Variants in CELF2 observed in about 807,000 individuals in gnomAD.
The protein encoded by CELF2 is CUG triplet repeat RNA-binding protein 2.
A neutral mutation model predicts 62.6 loss-of-function variants in CELF2; 8 were observed. The observed-to-expected ratio is 0.13, with a 90% CI of 0.07 to 0.23. The LOEUF (loss-of-function observed/expected upper bound fraction) is 0.23, where lower values mean the gene tolerates loss of function less well. Among genes scored for constraint, CELF2 ranks in the 10% least tolerant of loss-of-function variants. CELF2 has a pLI of 1.00. For synonymous variants in CELF2, 258 were observed against 250.0 expected, an observed-to-expected ratio of 1.03 and a Z score of -0.30; for missense variants, 333 against 671.0, an observed-to-expected ratio of 0.50 and a Z score of 5.56.
At chr10:11,192,224 C>T (rs561781061) in intron 2 of CELF2, among the ~76,000 whole-genome samples, 1 of 152,182 alleles carries the variant, frequency 6.6e-6, no homozygotes, top group East Asian at 1.9e-4. Flanking sequence ...CTTCAAGAGG[C>T]GCAGAGGAAA....
At chr10:10,970,593 T>C (rs1484406286) in intron 2 of CELF2, 1 of 152,220 alleles carries the variant, frequency 6.6e-6, no homozygotes. Context: ...TTAAAATAAT[T>C]GTTTCTAAAA....
At chr10:10,619,048 A>G in the CELF2 span, among the ~76,000 whole-genome samples, 1 of 151,702 alleles carries the variant, frequency 6.6e-6, no homozygotes, top group East Asian at 1.9e-4. Context: ...TTTACTGCAC[A>G]CGTGGCAACA....
chr10:10,964,181 G>A (rs1230458543), intron 2 of CELF2, among the ~76,000 whole-genome samples: 2 of 152,094 alleles, frequency 1.3e-5, no homozygotes, highest in African/African-American at 2.4e-5. Flanking sequence ...GAAAGCCATG[G>A]GATTCCTTTA....
rs1195079550 is a variant in CELF2, at chr10:11,075,244, G to A, written c.74+57081G>A. 2.0e-5 allele frequency: 3 copies of A among 152,202 alleles called. No individual in the cohort carries two copies. In the East Asian group the frequency reaches 5.8e-4, roughly 29 times the overall value. 9.4% of individuals were successfully genotyped at this position (152,202 alleles called of 1,614,324 possible). The stretch of plus-strand genomic sequence containing the variant: ...CTTCATTTGTAAGGGATGTTCAGGA[G>A]TCATCAGAAGGCATGTTGATACTTC... On this transcript the variant is annotated intron_variant, in intron 1 of 12. Transcript: ENST00000633077. The surrounding 1 kb of genome is among the most constrained non-coding windows in gnomAD (Gnocchi z 5.4).
At position 11,255,373 on chromosome 10, in the gene CELF2, G is replaced by A. The variant is rs1404929054; in HGVS notation, c.404-2365G>A. 6.6e-6 allele frequency among the ~76,000 whole-genome samples: 1 copy of A among 152,086 alleles called. No individual in the cohort carries two copies. Among genetic ancestry groups the A allele is most frequent in the Non-Finnish European group, 1.5e-5 (1 of 68,016 alleles). On this transcript the variant is annotated intron_variant, in intron 4 of 12. Coordinates refer to ENST00000633077, the MANE Select transcript of CELF2 (RefSeq NM_001326342.2). The surrounding 1 kb of genome is among the most constrained non-coding windows in gnomAD (Gnocchi z 5.5). ...CTCTGCACATGAAGCGGAAGATGGG[G>A]CGTGCCATCCTGAGGTCGGGCTGCT...
intron 1 of CELF2, among the ~76,000 whole-genome samples, chr10:11,151,630 A>T (rs1350359224): frequency 6.6e-6 from 1 of 152,000 alleles, no homozygotes; most frequent in Non-Finnish European, 1.5e-5. Context: ...CCAGAGAGCC[A>T]CCTGGCCACA....
chr10:10,615,189 G>A, the CELF2 span, among the ~76,000 whole-genome samples: 1 of 152,072 alleles, frequency 6.6e-6, no homozygotes, highest in Non-Finnish European at 1.5e-5. Context: ...AACTAGGGGG[G>A]AAGTAAGACA....
At chr10:10,470,559 T>C in the CELF2 span, among the ~76,000 whole-genome samples, 3 of 151,956 alleles carry the variant, frequency 2.0e-5, no homozygotes, top group African/African-American at 4.8e-5. Context: ...ACATATCCCA[T>C]GACCTGTAGA....
chr10:10,830,810 T>C (rs2057787724), intron 1 of CELF2, among the ~76,000 whole-genome samples: 1 of 152,256 alleles, frequency 6.6e-6, no homozygotes, highest in African/African-American at 2.4e-5. Flanking sequence ...GTGTTAGTCA[T>C]TTTTGGTTGC....
rs1330154811 is a variant in CELF2 at position 10,972,113 on chromosome 10, T to C, written c.89+52114T>C. ...ATCAATGTCTTGGCAATTGTTAAAA[T>C]TTAGCCTTTATGGAGTCCTCATATA... On this transcript the variant is annotated intron_variant, in intron 2 of 13. Transcript: ENST00000636488. The surrounding 1 kb of genome is among the most constrained non-coding windows in gnomAD (Gnocchi z 4.4). 6.6e-6 allele frequency among the ~76,000 whole-genome samples: 1 copy of C among 152,166 alleles called. No individual in the cohort carries two copies. Among genetic ancestry groups the C allele is most frequent in the Non-Finnish European group, 1.5e-5 (1 of 68,040 alleles).
chr10:11,150,529 C>T (rs992166211), intron 1 of CELF2, among the ~76,000 whole-genome samples: 3 of 152,204 alleles, frequency 2.0e-5, no homozygotes, highest in African/African-American at 7.2e-5. Flanking sequence ...CTAAAAGATA[C>T]TTTTGACACC....
chr10:10,501,453 G>GT, the CELF2 span, among the ~76,000 whole-genome samples: 15 of 151,802 alleles, frequency 9.9e-5, 1 homozygote, highest in Middle Eastern at 0.017. Context: ...ATTAGATTTT[G>GT]TTTTTTTGTA....
At chr10:10,868,765 A>G (rs913754799) in intron 1 of CELF2, among the ~76,000 whole-genome samples, 2 of 152,226 alleles carry the variant, frequency 1.3e-5, no homozygotes, top group Non-Finnish European at 2.9e-5. Context: ...AAATCAATGG[A>G]TGTATCATTT....
chr10:11,259,599 C>T (rs2079865739), intron 5 of CELF2, among the ~76,000 whole-genome samples: 2 of 152,182 alleles, frequency 1.3e-5, no homozygotes, highest in African/African-American at 2.4e-5. Context: ...GGCTCCTCTG[C>T]GGTTTTTCAC....
the CELF2 span, among the ~76,000 whole-genome samples, chr10:10,673,656 C>G: frequency 4.9e-4 from 74 of 152,254 alleles, no homozygotes; most frequent in Non-Finnish European, 8.2e-4. Context: ...TTCTTATTCT[C>G]TAACATATGC....
chr10:10,662,944 T>G, the CELF2 span, among the ~76,000 whole-genome samples: 2 of 152,196 alleles, frequency 1.3e-5, no homozygotes, highest in Non-Finnish European at 2.9e-5. Context: ...TTCCAGCTTC[T>G]TGGTCTGAAC....
chr10:11,106,166 A>G lies in CELF2; in HGVS notation c.75-59320A>G, dbSNP rs139250778. Among the ~76,000 whole-genome samples the G allele has an allele frequency of 2.5e-3, 379 of 152,164 alleles. 2 individuals carry two copies. Among genetic ancestry groups the G allele is most frequent in the African/African-American group, 8.8e-3 (365 of 41,538 alleles). On this transcript the variant is annotated intron_variant, in intron 1 of 12. Coordinates refer to ENST00000633077, the MANE Select transcript of CELF2 (RefSeq NM_001326342.2). ...CTTAAGGCAGAAAACATCCAAACCC[A>G]GAACTTGGTCATCTTGGCACTTTTA...
chr10:11,234,167 G>A (rs2070071366), intron 3 of CELF2, among the ~76,000 whole-genome samples: 1 of 152,160 alleles, frequency 6.6e-6, no homozygotes, highest in South Asian at 2.1e-4. Context: ...GTAATTTACT[G>A]TGTCACATGG....
Position 11,005,806 on chromosome 10 carries a change from C to T in CELF2, c.53+366C>T, listed in dbSNP as rs1271999387. ...GCCTCTTTCATTTTTATGCACTCTG[C>T]ATGGAATAATCACCGAAAAAGGAGC... On this transcript the variant is annotated intron_variant, in intron 1 of 12. Coordinates refer to the CELF2 transcript ENST00000416382. This position sits in a 1 kb window ranked among gnomAD's most constrained non-coding sequence, Gnocchi z 4.3. 6.6e-6 allele frequency among the ~76,000 whole-genome samples: 1 copy of T among 152,174 alleles called. No individual in the cohort carries two copies. Among genetic ancestry groups the T allele is most frequent in the East Asian group, 1.9e-4 (1 of 5,196 alleles).
Sources: allele counts gnomAD v4.1 joint callset (sites outside exome capture counted in the v4.1 genomes callset), GRCh38; gene constraint gnomAD v4.1.1; non-coding constraint Gnocchi (gnomAD v3.1); transcripts MANE v1.5; gene names NCBI Gene and HGNC (gene_info 2026-07-23, HGNC 2026-07-21).